Variants in SNTB2 observed in about 807,000 individuals in gnomAD.
SNTB2 encodes syntrophin beta 2.
SNTB2 carries 34 observed loss-of-function variants against 46.2 expected under a neutral mutation model. The ratio of observed to expected loss-of-function variants is 0.74; its 90% CI spans 0.56 to 0.98. The LOEUF is 0.98. Among genes scored for constraint, SNTB2 ranks in the 50% least tolerant of loss-of-function variants. SNTB2 has a pLI of 0.00. For missense variants in SNTB2, 603 were observed against 731.4 expected, an observed-to-expected ratio of 0.82 and a Z score of 2.02; for synonymous variants, 290 against 312.6, an observed-to-expected ratio of 0.93 and a Z score of 0.76.
At chr16:69,243,489 A>T (rs1367448813) in intron 1 of SNTB2, among the ~76,000 whole-genome samples, 2 of 152,194 alleles carry the variant, frequency 1.3e-5, no homozygotes, top group Non-Finnish European at 2.9e-5. Flanking sequence ...CAGTTCAGTG[A>T]TGCTACTGTG....
chr16:69,243,523 G>A (rs1964638535), intron 1 of SNTB2, among the ~76,000 whole-genome samples: 2 of 152,144 alleles, frequency 1.3e-5, no homozygotes, highest in East Asian at 1.9e-4. Flanking sequence ...TGAGTAGATC[G>A]TTAAGGGTTC....
At chr16:69,297,193 G>C (rs988619356) in intron 5 of SNTB2, among the ~76,000 whole-genome samples, 5 of 149,472 alleles carry the variant, frequency 3.3e-5, no homozygotes, top group Non-Finnish European at 7.4e-5. Flanking sequence ...TGTAATCCCA[G>C]CTACTCAGGA....
chr16:69,295,433 A>G (rs935097347), intron 5 of SNTB2, among the ~76,000 whole-genome samples: 3 of 151,378 alleles, frequency 2.0e-5, no homozygotes, highest in African/African-American at 4.9e-5. Flanking sequence ...TATTTTTAGT[A>G]GAGACAGGGT....
At position 69,241,505 on chromosome 16, in the gene SNTB2, G is replaced by T. The variant is rs564682062; in HGVS notation, c.581-4097G>T. On this transcript the variant is annotated intron_variant, in intron 1 of 6. Transcript: ENST00000336278. ...CCTAGATAAGCTTTAAAAAGCCAGG[G>T]TGGGCGTGGTGGCTCAAGCCTGTAA... Among the ~76,000 whole-genome samples the T allele has an allele frequency of 4.0e-5, 6 of 151,062 alleles. No individual in the cohort carries two copies. The East Asian group carries it at 1.0e-3, about 25-fold the overall frequency.
intron 1 of SNTB2, among the ~76,000 whole-genome samples, chr16:69,232,064 A>T (rs918175376): frequency 2.0e-5 from 3 of 152,142 alleles, no homozygotes; most frequent in Non-Finnish European, 4.4e-5. Flanking sequence ...CTACATTTCT[A>T]TATATAAAAG....
At chr16:69,286,225 A>T (rs1413498107) in intron 5 of SNTB2, among the ~76,000 whole-genome samples, 2 of 152,206 alleles carry the variant, frequency 1.3e-5, no homozygotes, top group African/African-American at 4.8e-5. Flanking sequence ...AACTGGGATT[A>T]TAGGCACAAG....
chr16:69,268,936 A>G (rs1964911992), intron 3 of SNTB2, among the ~76,000 whole-genome samples: 1 of 152,076 alleles, frequency 6.6e-6, no homozygotes, highest in Non-Finnish European at 1.5e-5. Context: ...TTGGGAGGCC[A>G]AGGTGGGCGG....
rs889282589 is a variant in SNTB2, at chr16:69,301,424, G to A, written c.*500G>A. On this transcript the variant is annotated 3_prime_UTR_variant, in exon 7 of 7. Transcript: ENST00000336278. ...TAGGTCGTATGTCTTGGAATTTACT[G>A]TCCTCACTAGCTCCTTCCACCATAG... is the stretch of plus-strand genomic sequence containing the variant. 3.8e-5 allele frequency: 6 copies of A among 158,676 alleles called. No homozygotes were observed. Among genetic ancestry groups the A allele is most frequent in the African/African-American group, 9.6e-5 (4 of 41,472 alleles). 9.8% of individuals were successfully genotyped at this position (158,676 alleles called of 1,614,324 possible).
chr16:69,187,176 GCTGCGGCGA>G lies in SNTB2; in HGVS notation c.19_27del (p.Thr7_Ala9del), dbSNP rs771173459. ...AGGCTGCCTGACTGGAATGAGGGTA[GCTGCGGCGA>G]CTGCGGCGGCTGGAGCGGGGCCGGC... On this transcript the variant is annotated inframe_deletion, in exon 1 of 7. Transcript: ENST00000336278. 2.7e-5 allele frequency: 37 copies of G among 1,373,132 alleles called. No individual in the cohort carries two copies. Among genetic ancestry groups the G allele is most frequent in the South Asian group, 1.6e-4 (9 of 56,846 alleles). 85.1% of individuals were successfully genotyped at this position (1,373,132 alleles called of 1,614,324 possible).
At position 69,282,490 on chromosome 16, in the gene SNTB2, C is replaced by CT. The variant is rs1448806632; in HGVS notation, c.1149-1555dup. On this transcript the variant is annotated intron_variant, in intron 4 of 6. Coordinates refer to ENST00000336278, the MANE Select transcript of SNTB2 (RefSeq NM_006750.4). ...TTCCACACTGTTTTGATTACTGTAG[C>CT]TTTATAGTAAGTGAAAGTTGAGTGG... Among the ~76,000 whole-genome samples the CT allele has an allele frequency of 4.6e-5, 7 of 152,080 alleles. No individual in the cohort carries two copies. The East Asian group carries it at 1.2e-3, about 25-fold the overall frequency.
At chr16:69,228,517 A>AG (rs1481652396) in intron 1 of SNTB2, among the ~76,000 whole-genome samples, 1 of 151,684 alleles carries the variant, frequency 6.6e-6, no homozygotes, top group East Asian at 1.9e-4. Context: ...AAAAAAAAAA[A>AG]AAAAAAAAAA....
At chr16:69,208,600 A>T (rs1964247892) in intron 1 of SNTB2, among the ~76,000 whole-genome samples, 1 of 152,160 alleles carries the variant, frequency 6.6e-6, no homozygotes, top group Non-Finnish European at 1.5e-5. Context: ...TCAGAGACAG[A>T]TTCTGTATTT....
At chr16:69,220,154 ATTTTTTTTTT>A (rs889068336) in intron 1 of SNTB2, among the ~76,000 whole-genome samples, 1 of 97,554 alleles carries the variant, frequency 1.0e-5, no homozygotes, top group African/African-American at 4.6e-5. Flanking sequence ...AGAAAGTCAG[ATTTTTTTTTT>A]TTTTTTTTTT....
intron 5 of SNTB2, among the ~76,000 whole-genome samples, chr16:69,296,927 G>A (rs1450096635): frequency 1.3e-5 from 2 of 151,440 alleles, no homozygotes; most frequent in Admixed American, 6.6e-5. Context: ...AGAATCATTT[G>A]GGAGGTGGAG....
In SNTB2 at chr16:69,238,213, C is replaced by T. The variant is rs191887803; in HGVS notation, c.581-7389C>T. On this transcript the variant is annotated intron_variant, in intron 1 of 6. Coordinates refer to ENST00000336278, the MANE Select transcript of SNTB2 (RefSeq NM_006750.4). ...GAGGGTGAGGTTGGAGCATTTATCC[C>T]CTTGGCCCCCAATTCGCAGGTCAGT... Among the ~76,000 whole-genome samples, 4 of 152,202 alleles carry T rather than the reference C, an allele frequency of 2.6e-5. No homozygotes were observed. In the East Asian group the frequency reaches 7.7e-4, roughly 29 times the overall value.
intron 1 of SNTB2, among the ~76,000 whole-genome samples, chr16:69,238,165 G>A (rs1964576487): frequency 6.6e-6 from 1 of 152,146 alleles, no homozygotes. Flanking sequence ...AGCCCCAATA[G>A]GACATTGGAG....
chr16:69,201,659 T>C (rs1964162370), intron 1 of SNTB2, among the ~76,000 whole-genome samples: 1 of 152,062 alleles, frequency 6.6e-6, no homozygotes, highest in African/African-American at 2.4e-5. Flanking sequence ...ACAATACTTC[T>C]CAGAAAACAA....
intron 1 of SNTB2, among the ~76,000 whole-genome samples, chr16:69,223,714 C>T (rs995565285): frequency 1.3e-5 from 2 of 151,684 alleles, no homozygotes; most frequent in African/African-American, 2.4e-5. Context: ...CTGCAAGCTC[C>T]GCCTTCTGGA....
chr16:69,260,002 G>T, intron 2 of SNTB2, 48 bp from the exon 3 acceptor site: 1 of 1,417,642 alleles, frequency 7.1e-7, no homozygotes, highest in Non-Finnish European at 1.0e-6. Flanking sequence ...TGGCAGGTTT[G>T]GTGACTTCTG....
Sources: gnomAD v4.1 joint callset for allele counts (sites outside exome capture counted in the v4.1 genomes callset) on GRCh38, gnomAD v4.1.1 for gene constraint, MANE v1.5 for transcripts, NCBI Gene and HGNC (gene_info 2026-07-23, HGNC 2026-07-21) for gene names.